Variants in TCF7L2 observed in about 807,000 individuals in gnomAD.
TCF7L2 encodes transcription factor 7 like 2.
TCF7L2 carries 23 observed loss-of-function variants against 77.9 expected under a neutral mutation model. The ratio of observed to expected loss-of-function variants is 0.30; its 90% CI spans 0.21 to 0.42. The LOEUF (loss-of-function observed/expected upper bound fraction) is 0.42, where lower values mean the gene tolerates loss of function less well. TCF7L2 is among the 10% of genes least tolerant of loss of function. The probability of loss-of-function intolerance (pLI) is 1.00; values close to 1 mark genes in which losing one functional copy is unlikely to be tolerated. For synonymous variants in TCF7L2, 413 were observed against 340.2 expected (o/e 1.21, Z -2.36); for missense variants, 654 against 793.1 (o/e 0.82, Z 2.11).
At chr10:113,000,536 A>G (rs959118993) in intron 4 of TCF7L2, among the ~76,000 whole-genome samples, 1 of 152,174 alleles carries the variant, frequency 6.6e-6, no homozygotes, top group Non-Finnish European at 1.5e-5. Context: ...AGCAGCCCAG[A>G]TTTGAGGCCT....
At chr10:113,002,591 G>C (rs911477469) in intron 4 of TCF7L2, among the ~76,000 whole-genome samples, 1 of 152,114 alleles carries the variant, frequency 6.6e-6, no homozygotes, top group African/African-American at 2.4e-5. Flanking sequence ...ACTCACACTT[G>C]CTGCCCCCAT....
intron 12 of TCF7L2, 52 bp from the exon 13 acceptor site, chr10:113,158,615 C>G: frequency 6.2e-7 from 1 of 1,601,772 alleles, no homozygotes; most frequent in South Asian, 1.1e-5. Flanking sequence ...CTTTTACAAA[C>G]AAACAAAACA....
intron 4 of TCF7L2, among the ~76,000 whole-genome samples, chr10:113,004,327 T>A (rs1044088690): frequency 2.6e-5 from 4 of 152,120 alleles, no homozygotes; most frequent in Non-Finnish European, 1.5e-5. Flanking sequence ...AGGCAAGCCA[T>A]GTTAATATTT....
At chr10:113,074,622 C>T (rs570439880) in intron 5 of TCF7L2, among the ~76,000 whole-genome samples, 2 of 152,282 alleles carry the variant, frequency 1.3e-5, no homozygotes, top group African/African-American at 4.8e-5. Flanking sequence ...CCATATTTTG[C>T]TGGGTTTCCT....
chr10:113,024,202 G>A (rs1170651056), intron 4 of TCF7L2, among the ~76,000 whole-genome samples: 1 of 152,036 alleles, frequency 6.6e-6, no homozygotes, highest in African/African-American at 2.4e-5. Flanking sequence ...AGAAGATGAG[G>A]CAGGAGAATG....
At chr10:113,006,702 GTTTTAAT>G (rs2045612629) in intron 4 of TCF7L2, among the ~76,000 whole-genome samples, 1 of 152,236 alleles carries the variant, frequency 6.6e-6, no homozygotes, top group African/African-American at 2.4e-5. Flanking sequence ...CATCATGGGT[GTTTTAAT>G]TTTAATTTCA....
chr10:113,013,826 A>G (rs2046866862), intron 4 of TCF7L2, among the ~76,000 whole-genome samples: 1 of 152,170 alleles, frequency 6.6e-6, no homozygotes, highest in Non-Finnish European at 1.5e-5. Context: ...TTGAGATGAT[A>G]TTATTGGTAT....
In TCF7L2 at chr10:113,151,115, C is replaced by G; in HGVS notation, c.993C>G (p.Leu331=). The change falls in exon 9 of 14, where the codon CTC becomes CTG. Residue 331 remains leucine, a synonymous_variant. Transcript: ENST00000627217. This position sits in a 1 kb window ranked among gnomAD's most constrained non-coding sequence, Gnocchi z 5.2. ...CGTCCCAGAGTGATGTCGGCTCACT[C>G]CATAGTTCGTAAGTGTTGCTGTTTT... 1 of 1,614,140 alleles carries G rather than the reference C, an allele frequency of 6.2e-7. No individual in the cohort carries two copies. Among genetic ancestry groups the G allele is most frequent in the Non-Finnish European group, 8.5e-7 (1 of 1,180,014 alleles).
chr10:113,160,548 T>G (rs1442675807), intron 12 of TCF7L2: 330 of 1,369,628 alleles, frequency 2.4e-4, no homozygotes, highest in Non-Finnish European at 3.1e-4. Context: ...AAGCTGTAGC[T>G]GAGATTTCAC....
chr10:113,119,527 C>G (rs1440791295), intron 5 of TCF7L2, among the ~76,000 whole-genome samples: 2 of 152,104 alleles, frequency 1.3e-5, no homozygotes, highest in Non-Finnish European at 2.9e-5. Flanking sequence ...AAATCCCTCC[C>G]TGAATAAAGA....
intron 5 of TCF7L2, among the ~76,000 whole-genome samples, chr10:113,103,502 AT>A (rs1429864786): frequency 6.6e-6 from 1 of 152,206 alleles, no homozygotes; most frequent in East Asian, 1.9e-4. Flanking sequence ...ATTTGGTAGA[AT>A]GATTAACAGG....
At chr10:113,043,198 T>A (rs2052762678) in intron 5 of TCF7L2, among the ~76,000 whole-genome samples, 1 of 152,220 alleles carries the variant, frequency 6.6e-6, no homozygotes, top group Admixed American at 6.5e-5. Flanking sequence ...ACTTTACAGA[T>A]TGCTAAGAAG....
chr10:112,975,863 A>G (rs1417772295), intron 4 of TCF7L2, among the ~76,000 whole-genome samples: 3 of 152,212 alleles, frequency 2.0e-5, no homozygotes, highest in Non-Finnish European at 4.4e-5. Flanking sequence ...GACAACTGAA[A>G]ATATCTCTAG....
rs2074031560 is a variant in TCF7L2, at chr10:113,166,156, C to T, written c.*184C>T. 3 of 512,010 alleles carry T rather than the reference C, an allele frequency of 5.9e-6. No homozygotes were observed. Among genetic ancestry groups the T allele is most frequent in the Non-Finnish European group, 9.2e-6 (3 of 327,036 alleles). 31.7% of individuals were successfully genotyped at this position (512,010 alleles called of 1,614,324 possible). On this transcript the variant is annotated 3_prime_UTR_variant, in exon 14 of 14. Coordinates refer to ENST00000627217, the MANE Select transcript of TCF7L2 (RefSeq NM_001146274.2). ...TGACCCATTCTTATTTCAATTTCTC[C>T]TTTTAAATATGTAGATGAGAGAAGA...
At chr10:112,975,188 A>G (rs2039159979) in intron 4 of TCF7L2, among the ~76,000 whole-genome samples, 1 of 152,210 alleles carries the variant, frequency 6.6e-6, no homozygotes, top group South Asian at 2.1e-4. Flanking sequence ...TATGTTATAA[A>G]AAGAAACATT....
At chr10:113,124,539 A>G (rs1433828393) in intron 5 of TCF7L2, among the ~76,000 whole-genome samples, 1 of 152,156 alleles carries the variant, frequency 6.6e-6, no homozygotes, top group Non-Finnish European at 1.5e-5. Context: ...TATTCCTAAA[A>G]CATCTAAGAA....
At chr10:112,973,850 A>ATTTTT (rs1397514054) in intron 4 of TCF7L2, among the ~76,000 whole-genome samples, 13 of 152,262 alleles carry the variant, frequency 8.5e-5, no homozygotes, top group Admixed American at 4.6e-4. Context: ...TTGGCCTCCC[A>ATTTTT]AAGTACTGGG....
intron 11 of TCF7L2, among the ~76,000 whole-genome samples, chr10:113,156,295 T>C (rs2071879715): frequency 6.6e-6 from 1 of 152,122 alleles, no homozygotes; most frequent in South Asian, 2.1e-4. Flanking sequence ...TTTGTATTTT[T>C]AGTAGAGATG....
At chr10:113,081,772 G>C (rs557064397) in intron 5 of TCF7L2, among the ~76,000 whole-genome samples, 3 of 152,322 alleles carry the variant, frequency 2.0e-5, no homozygotes, top group Non-Finnish European at 4.4e-5. Context: ...CTCGAAATTA[G>C]ATGTGCCTTC....
Sources: allele counts gnomAD v4.1 joint callset (sites outside exome capture counted in the v4.1 genomes callset), GRCh38; gene constraint gnomAD v4.1.1; non-coding constraint Gnocchi (gnomAD v3.1); transcripts MANE v1.5; gene names NCBI Gene and HGNC (gene_info 2026-07-23, HGNC 2026-07-21).